Variants in CFAP47 observed in about 807,000 individuals in gnomAD.
CFAP47 encodes the protein cilia- and flagella-associated protein 47.
CFAP47 carries 29 observed loss-of-function variants against 148.1 expected under a neutral mutation model. The observed-to-expected ratio is 0.20, with a 90% CI of 0.15 to 0.27. The LOEUF (loss-of-function observed/expected upper bound fraction) is 0.27, where lower values mean the gene tolerates loss of function less well. Ranked by LOEUF, CFAP47 falls within the 10% of genes least tolerant of loss-of-function variation. The probability of loss-of-function intolerance (pLI) is 1.00; values close to 1 mark genes in which losing one functional copy is unlikely to be tolerated. For missense variants in CFAP47, 1,872 were observed against 1,697.5 expected, an observed-to-expected ratio of 1.10 and a Z score of -1.81; for synonymous variants, 664 against 577.3, an observed-to-expected ratio of 1.15 and a Z score of -2.15.
rs781950443 is a variant in CFAP47 at position 36,285,700 on chromosome X, A to T, written c.7660A>T (p.Ile2554Phe). ...TAGCACTCCTGGACCACCCATAGAG[A>T]TTATGGAAATGACATGTATTGCTCT... ...IHSTPGPPIE[I>F]MEMTCIALDS... Residue 2554 changes from isoleucine to phenylalanine, a missense_variant, in exon 51 of 64, where the codon ATT becomes TTT. Ile to Phe is a conservative substitution (Grantham distance 21, BLOSUM62 0). Transcript: ENST00000378653. 3.5e-6 allele frequency: 4 copies of T among 1,150,387 alleles called. No individual in the cohort carries two copies. The South Asian group carries it at 7.7e-5, about 22-fold the overall frequency. The allele number at this position is 1,150,387 out of a possible 1,213,427, so 94.8% of individuals were successfully genotyped here. A position where few individuals can be genotyped will look rare whatever the true frequency, so the allele number is the denominator to read the frequency against.
chrX:36,144,733 T>C, intron 35 of CFAP47: 1 of 1,023,836 alleles, frequency 9.8e-7, no homozygotes, highest in Non-Finnish European at 1.3e-6. Flanking sequence ...TGTTTGTTCT[T>C]TTTTATTTTT....
intron 63 of CFAP47, among the ~76,000 whole-genome samples, chrX:36,381,760 G>C (rs940863833): frequency 9.1e-6 from 1 of 110,035 alleles, no homozygotes; most frequent in Non-Finnish European, 1.9e-5. Flanking sequence ...AAAATGTGAG[G>C]ATTATCAGAA....
chrX:36,299,526 C>T (rs782261443), intron 52 of CFAP47, among the ~76,000 whole-genome samples: 61 of 111,273 alleles, frequency 5.5e-4, no homozygotes, highest in African/African-American at 1.7e-3. Flanking sequence ...TTCTTAAATA[C>T]AAATAATTCA....
rs147087306 is a variant in CFAP47 at position 36,239,791 on chromosome X, T to C, written c.7332+2932T>C. On this transcript the variant is annotated intron_variant, in intron 48 of 63. Coordinates refer to ENST00000378653, the MANE Select transcript of CFAP47 (RefSeq NM_001304548.2). ...AGCAGGCCGCACGGATGTTCAAGAT[T>C]GTGTACATGCCTGAGAGAGTCCTAA... Among the ~76,000 whole-genome samples the C allele has an allele frequency of 2.0e-3, 228 of 111,742 alleles. 1 individual carries two copies. The highest frequency in any genetic ancestry group is 6.9e-3 in the African/African-American group (214 of 30,850).
In CFAP47 at chrX:35,959,878, C is replaced by CAAAAAA. The variant is rs755201291; in HGVS notation, c.1410+3700_1410+3705dup. On this transcript the variant is annotated intron_variant, in intron 8 of 63. Coordinates refer to ENST00000378653, the MANE Select transcript of CFAP47 (RefSeq NM_001304548.2). ...TGGGTGACAGAGTGAGACTCCGTCT[C>CAAAAAA]AAAAAAAAAAAAAAAAAAAAAAACT... Among the ~76,000 whole-genome samples, 112 of 30,389 alleles carry CAAAAAA rather than the reference C, an allele frequency of 3.7e-3. 3 individuals are homozygous for CAAAAAA. The highest frequency in any genetic ancestry group is 0.013 in the African/African-American group (108 of 8,155). 26.4% of individuals were successfully genotyped at this position (30,389 alleles called of 115,157 possible).
chrX:36,155,204 T>C (rs1339311624), intron 37 of CFAP47, among the ~76,000 whole-genome samples: 2 of 111,818 alleles, frequency 1.8e-5, no homozygotes, highest in African/African-American at 6.5e-5. Context: ...CTCTGACTTT[T>C]ATGTTCTCAT....
chrX:36,323,949 G>C (rs1556012555), intron 57 of CFAP47, among the ~76,000 whole-genome samples: 1 of 111,200 alleles, frequency 9.0e-6, no homozygotes, highest in Admixed American at 9.6e-5. Context: ...CTATACTATA[G>C]ATAGTGAAGT....
intron 24 of CFAP47, among the ~76,000 whole-genome samples, chrX:36,037,347 G>GTTA (rs1168420738): frequency 5.8e-5 from 6 of 104,346 alleles, no homozygotes; most frequent in African/African-American, 2.4e-4. Flanking sequence ...CTTTGTTGTT[G>GTTA]TTGTTGTTGT....
At chrX:36,348,468 T>C (rs6418689) in intron 58 of CFAP47, among the ~76,000 whole-genome samples, 180 bp downstream of exon 58, 35,234 of 109,563 alleles carry the variant, frequency 0.32, 6,689 homozygotes, top group African/African-American at 0.71. Flanking sequence ...ATATATATAA[T>C]GTATAGAAAA....
chrX:36,268,768 G>A (rs781880158), intron 49 of CFAP47, among the ~76,000 whole-genome samples: 11 of 112,108 alleles, frequency 9.8e-5, no homozygotes, highest in African/African-American at 3.2e-4. Context: ...TTGGCAGGTT[G>A]TTGGTTTTTC....
chrX:36,020,779 G>A (rs942537353), intron 22 of CFAP47, among the ~76,000 whole-genome samples: 1 of 111,596 alleles, frequency 9.0e-6, no homozygotes, highest in African/African-American at 3.3e-5. Flanking sequence ...ACTGGGTCTT[G>A]TACTTTTATC....
At chrX:36,103,456 G>A (rs931131125) in intron 32 of CFAP47, among the ~76,000 whole-genome samples, 4 of 87,751 alleles carry the variant, frequency 4.6e-5, no homozygotes, top group Non-Finnish European at 6.3e-5. Flanking sequence ...ATCTTCTGGC[G>A]CTCCTACCTT....
Position 36,201,489 on chromosome X carries a change from A to G in CFAP47, c.6652A>G (p.Thr2218Ala). ...TGTGGCCATCGCCCTCCTGGGACTG[A>G]CGAAGATCGAGGTGGGAATGGAGTA... Reference protein sequence around the residue: ...IRVAIALLGLTKIETLMLFRI... With the variant: ...IRVAIALLGLAKIETLMLFRI... The change falls in exon 44 of 64, where the codon ACG becomes GCG. Residue 2218 changes from threonine (T) to alanine (A), a missense_variant. Physicochemically the swap from Thr to Ala is moderately conservative, Grantham distance 58 (BLOSUM62 0). Coordinates refer to ENST00000378653, the MANE Select transcript of CFAP47 (RefSeq NM_001304548.2). 6.7e-6 allele frequency: 2 copies of G among 297,134 alleles called. No homozygotes were observed. Among genetic ancestry groups the G allele is most frequent in the Non-Finnish European group, 1.2e-5 (2 of 169,894 alleles). The allele number at this position is 297,134 out of a possible 1,213,427, so 24.5% of individuals were successfully genotyped here. A position where few individuals can be genotyped will look rare whatever the true frequency, so the allele number is the denominator to read the frequency against.
At chrX:36,126,104 A>G (rs969485415) in intron 33 of CFAP47, among the ~76,000 whole-genome samples, 3 of 105,866 alleles carry the variant, frequency 2.8e-5, no homozygotes, top group Non-Finnish European at 5.8e-5. Context: ...TTATTTTATT[A>G]TACTTTAAGT....
chrX:36,351,749 TAG>T (rs1439115763), intron 59 of CFAP47, among the ~76,000 whole-genome samples: 1 of 111,887 alleles, frequency 8.9e-6, no homozygotes, highest in Non-Finnish European at 1.9e-5. Flanking sequence ...TGTTCTGAAA[TAG>T]AGTGTGTATT....
At chrX:36,371,984 A>G (rs966151071) in intron 62 of CFAP47, among the ~76,000 whole-genome samples, 2 of 102,294 alleles carry the variant, frequency 2.0e-5, no homozygotes, top group Non-Finnish European at 4.0e-5. Flanking sequence ...ATGTGTGTGT[A>G]TATATGTATG....
Position 36,175,298 on chromosome X carries a change from G to T in CFAP47, c.6027-4047G>T, listed in dbSNP as rs184471514. Among the ~76,000 whole-genome samples, 541 of 112,209 alleles carry T rather than the reference G, an allele frequency of 4.8e-3. 7 individuals carry two copies. The highest frequency in any genetic ancestry group is 0.017 in the African/African-American group (519 of 30,845). ...GATCGTCTGAAGCCTTCTTCTCTCA[G>T]CTCATCAAGGTCATTCTCCGTCTCT... On this transcript the variant is annotated intron_variant, in intron 39 of 63. Transcript: ENST00000378653.
chrX:36,053,100 G>A (rs1189807841), intron 26 of CFAP47, among the ~76,000 whole-genome samples: 1 of 111,537 alleles, frequency 9.0e-6, no homozygotes, highest in Non-Finnish European at 1.9e-5. Flanking sequence ...TGGGATATTT[G>A]ATATTGGATA....
At chrX:36,082,857 C>T (rs1214619765) in intron 29 of CFAP47, among the ~76,000 whole-genome samples, 2 of 111,414 alleles carry the variant, frequency 1.8e-5, no homozygotes, top group African/African-American at 6.5e-5. Context: ...CCTCCATTTT[C>T]TCATCTGTAA....
Sources: gnomAD v4.1 joint callset for allele counts (sites outside exome capture counted in the v4.1 genomes callset) on GRCh38, gnomAD v4.1.1 for gene constraint, MANE v1.5 for transcripts, NCBI Gene and HGNC (gene_info 2026-07-23, HGNC 2026-07-21) for gene names.